Variants in LRIG3 observed in about 807,000 individuals in gnomAD.
The protein encoded by LRIG3 is leucine-rich repeats and immunoglobulin-like domains protein 3.
In LRIG3, 76 loss-of-function variants were observed where a neutral mutation model predicts 114.5. The observed-to-expected ratio is 0.66, with a 90% CI of 0.55 to 0.80. The LOEUF is 0.80. Among genes scored for constraint, LRIG3 ranks in the 30% least tolerant of loss-of-function variants. The pLI, the probability that LRIG3 is intolerant of heterozygous loss-of-function variation, is 0.00. For missense variants in LRIG3, 1,239 were observed against 1,382.8 expected (o/e 0.90, Z 1.65); for synonymous variants, 512 against 519.8 (o/e 0.98, Z 0.20).
intron 12 of LRIG3, among the ~76,000 whole-genome samples, chr12:58,882,278 A>G (rs1200271719): frequency 3.3e-5 from 5 of 152,228 alleles, no homozygotes; most frequent in Admixed American, 1.3e-4. Context: ...TACACCAGAG[A>G]TGAAAACTTT....
At position 58,886,906 on chromosome 12, in the gene LRIG3, G is replaced by A; in HGVS notation, c.1092-16C>T. The A allele has an allele frequency of 6.2e-7, 1 of 1,603,688 alleles. No individual in the cohort carries two copies. ...CTTCAGATCCCTAATTTTAAAAGAA[G>A]CATTCCCTTTAGAGTGATAAGCTCA... On this transcript the variant is annotated splice_polypyrimidine_tract_variant and intron_variant, in intron 8 of 18. Transcript: ENST00000320743.
intron 3 of LRIG3, among the ~76,000 whole-genome samples, chr12:58,891,398 A>G (rs2120918787): frequency 6.6e-6 from 1 of 152,240 alleles, no homozygotes; most frequent in African/African-American, 2.4e-5. Flanking sequence ...GTGAGCCACC[A>G]CACCTGGCTA....
At chr12:58,878,535 TAG>T (rs1871007426) in intron 14 of LRIG3, among the ~76,000 whole-genome samples, 1 of 152,020 alleles carries the variant, frequency 6.6e-6, no homozygotes, top group Admixed American at 6.6e-5. Context: ...GTGGGGAAAT[TAG>T]AGGAGGGTGA....
At chr12:58,902,916 T>C (rs1871916015) in intron 3 of LRIG3, among the ~76,000 whole-genome samples, 1 of 152,164 alleles carries the variant, frequency 6.6e-6, no homozygotes, top group African/African-American at 2.4e-5. Context: ...TTTTTATGGC[T>C]GCATAGTATT....
rs754574322 is a variant in LRIG3 at position 58,887,774 on chromosome 12, A to C, written c.1091+15T>G. ...CAATTACGTTCGAGTACTGACAGCA[A>C]AACGTGTAACTTACAAAGTCTTTAA... On this transcript the variant is annotated intron_variant, in intron 8 of 18. Transcript: ENST00000320743. 4 of 1,611,652 alleles carry C rather than the reference A, an allele frequency of 2.5e-6. No homozygotes were observed. In the Admixed American group the frequency reaches 6.7e-5, roughly 27 times the overall value.
intron 3 of LRIG3, among the ~76,000 whole-genome samples, chr12:58,894,306 T>C (rs1054963017): frequency 1.3e-4 from 20 of 152,312 alleles, no homozygotes; most frequent in African/African-American, 4.8e-4. Context: ...ATAGTCCTTG[T>C]ATCACAAAAA....
chr12:58,882,767 C>CT lies in LRIG3; in HGVS notation c.1480+101dup, dbSNP rs2120891417. Reference sequence around the variant, plus strand: ...TCCTCTACCTCAGCAGAAATAAAAGCTTTATAAAGAGATCATAAATCTATT... The same window carrying CT: ...TCCTCTACCTCAGCAGAAATAAAAGCTTTTATAAAGAGATCATAAATCTATT... On this transcript the variant is annotated intron_variant, in intron 12 of 18. Coordinates refer to ENST00000320743, the MANE Select transcript of LRIG3 (RefSeq NM_153377.5). 2.3e-6 allele frequency: 3 copies of CT among 1,291,942 alleles called. No homozygotes were observed. In the East Asian group the frequency reaches 7.5e-5, roughly 32 times the overall value. The allele number at this position is 1,291,942 out of a possible 1,614,324, so 80.0% of individuals were successfully genotyped here. A position where few individuals can be genotyped will look rare whatever the true frequency, so the allele number is the denominator to read the frequency against.
chr12:58,904,583 G>C (rs530775368), intron 3 of LRIG3, among the ~76,000 whole-genome samples: 1 of 152,236 alleles, frequency 6.6e-6, no homozygotes, highest in East Asian at 1.9e-4. Context: ...TGAATTTTAC[G>C]GGCTTCAAGA....
At position 58,890,733 on chromosome 12, in the gene LRIG3, AG is replaced by A. The variant is rs778215523; in HGVS notation, c.446del (p.Thr149IlefsTer49). On this transcript the variant is annotated frameshift_variant, in exon 4 of 19. Transcript: ENST00000320743. LOFTEE classifies it high-confidence loss of function. ...EHLKEFQSLETLDLSSNNISE... is the reference protein window; with the variant it reads ...EHLKEFQSLEXLDLSSNNISE... The stretch of plus-strand genomic sequence containing the variant: ...AAATATTGTTGCTGCTAAGGTCCAA[AG>A]TTTCAAGGGACTGAAACTCTTTCAG... The A allele has an allele frequency of 6.2e-7, 1 of 1,607,162 alleles. No individual in the cohort carries two copies. Among genetic ancestry groups the A allele is most frequent in the Non-Finnish European group, 8.5e-7 (1 of 1,177,276 alleles).
Position 58,885,918 on chromosome 12 carries a change from A to G in LRIG3, c.1173-16T>C. On this transcript the variant is annotated splice_polypyrimidine_tract_variant and intron_variant, in intron 9 of 18. Transcript: ENST00000320743. ...TTGGAGTATCCTGGGGAAAAAAATTACATTGGAGCACTTAATTTAAAAAGC... is the reference window on the plus strand; with the variant it reads ...TTGGAGTATCCTGGGGAAAAAAATTGCATTGGAGCACTTAATTTAAAAAGC... 6.5e-7 allele frequency: 1 copy of G among 1,547,540 alleles called. No homozygotes were observed. Among genetic ancestry groups the G allele is most frequent in the East Asian group, 2.4e-5 (1 of 42,232 alleles).
Position 58,883,490 on chromosome 12 carries a change from C to A in LRIG3, c.1316+30G>T. The A allele has an allele frequency of 2.0e-6, 3 of 1,486,118 alleles. No individual in the cohort carries two copies. The Admixed American group carries it at 5.2e-5, about 26-fold the overall frequency. The allele number at this position is 1,486,118 out of a possible 1,614,324, so 92.1% of individuals were successfully genotyped here. On this transcript the variant is annotated intron_variant, in intron 11 of 18. Transcript: ENST00000320743. The stretch of plus-strand genomic sequence containing the variant: ...ATGACAGTTTTCCCCTCTATACTTT[C>A]AGACTCCTAGAAGGAAAAGAAAAGC...
At chr12:58,877,255 T>C (rs1466537636) in intron 15 of LRIG3, 145 bp downstream of exon 15, 16 of 796,486 alleles carry the variant, frequency 2.0e-5, no homozygotes, top group Non-Finnish European at 2.7e-5. Flanking sequence ...TGGAGTTTTT[T>C]AGCGAATCAT....
intron 13 of LRIG3, among the ~76,000 whole-genome samples, chr12:58,879,613 A>G (rs1871050468): frequency 6.6e-6 from 1 of 152,256 alleles, no homozygotes; most frequent in Non-Finnish European, 1.5e-5. Context: ...CATATTCAAA[A>G]TCTTCTACCA....
intron 3 of LRIG3, among the ~76,000 whole-genome samples, chr12:58,907,617 A>G (rs1185658819): frequency 6.6e-6 from 1 of 152,158 alleles, no homozygotes; most frequent in Non-Finnish European, 1.5e-5. Context: ...ATGCCATTTG[A>G]TCCTTTACCG....
chr12:58,904,163 G>C (rs1246798227), intron 3 of LRIG3, among the ~76,000 whole-genome samples: 1 of 152,140 alleles, frequency 6.6e-6, no homozygotes, highest in Non-Finnish European at 1.5e-5. Flanking sequence ...CAAAGAGAGA[G>C]GAGGTGGTAC....
Position 58,874,418 on chromosome 12 carries a change from A to G in LRIG3, c.2839+12T>C. On this transcript the variant is annotated intron_variant, in intron 17 of 18. Transcript: ENST00000320743. ...AGAAACAGAACTGTACTCAAGCAAG[A>G]AAACCACCTACCTGTATGATATGTT... The G allele has an allele frequency of 6.2e-7, 1 of 1,613,986 alleles. No individual in the cohort carries two copies. Among genetic ancestry groups the G allele is most frequent in the South Asian group, 1.1e-5 (1 of 91,010 alleles).
intron 8 of LRIG3, 46 bp from the exon 9 acceptor site, chr12:58,886,936 G>C: frequency 6.7e-7 from 1 of 1,486,956 alleles, no homozygotes; most frequent in Non-Finnish European, 9.3e-7. Flanking sequence ...AGCTCAGAAA[G>C]CCTAGTATCA....
At chr12:58,916,091 G>A (rs985571168) in intron 1 of LRIG3, among the ~76,000 whole-genome samples, 2 of 152,148 alleles carry the variant, frequency 1.3e-5, no homozygotes, top group African/African-American at 4.8e-5. Context: ...CACTAAAACT[G>A]AGGATTAACT....
intron 3 of LRIG3, among the ~76,000 whole-genome samples, chr12:58,901,414 G>A (rs573373124): frequency 3.3e-5 from 5 of 152,206 alleles, no homozygotes; most frequent in African/African-American, 4.8e-5. Flanking sequence ...GTGATGGAGC[G>A]GACTTTAAGG....
Sources: allele counts gnomAD v4.1 joint callset (sites outside exome capture counted in the v4.1 genomes callset), GRCh38; gene constraint gnomAD v4.1.1; transcripts MANE v1.5; gene names NCBI Gene and HGNC (gene_info 2026-07-23, HGNC 2026-07-21).